GRK3: variants seen among roughly 807,000 people sequenced by gnomAD.
GRK3 encodes adrenergic, beta, receptor kinase 2.
GRK3 carries 54 observed loss-of-function variants against 95.7 expected under a neutral mutation model. The observed-to-expected ratio is 0.56, with a 90% confidence interval of 0.45 to 0.71. GRK3 has a LOEUF of 0.71. GRK3 is among the 30% of genes least tolerant of loss of function. GRK3 has a pLI of 0.00. For synonymous variants in GRK3, 281 were observed against 290.8 expected (o/e 0.97, Z 0.34); for missense variants, 649 against 851.2 (o/e 0.76, Z 2.96).
rs753402988 is a variant in GRK3, at chr22:25,722,270, C to G, written c.1906-19C>G. 4.6e-5 allele frequency: 74 copies of G among 1,610,634 alleles called. No homozygotes were observed. The Admixed American group carries it at 1.2e-3, about 27-fold the overall frequency. The stretch of plus-strand genomic sequence containing the variant: ...ATGGGTGAGCCTGTCACAACGGCTG[C>G]CTTTGTATTCCCCCTCAGAGTGATC... On this transcript the variant is annotated intron_variant, in intron 20 of 20. Transcript: ENST00000324198.
chr22:25,613,107 A>G (rs1480466007), intron 2 of GRK3, among the ~76,000 whole-genome samples: 3 of 151,904 alleles, frequency 2.0e-5, no homozygotes, highest in African/African-American at 4.8e-5. Context: ...GAAAACATGT[A>G]TAAGTCAGCA....
chr22:25,628,844 AGGACTT>A (rs2084645307), intron 2 of GRK3, among the ~76,000 whole-genome samples: 2 of 152,096 alleles, frequency 1.3e-5, no homozygotes, highest in Non-Finnish European at 2.9e-5. Context: ...GGTGTCCCTT[AGGACTT>A]GGGAGTCCCT....
chr22:25,718,402 C>T (rs199946063), intron 19 of GRK3, 21 bp downstream of exon 19: 1 of 1,612,994 alleles, frequency 6.2e-7, no homozygotes, highest in Non-Finnish European at 8.5e-7. Flanking sequence ...GGCAGCCTCA[C>T]CGAGCATGTT....
At chr22:25,678,163 G>A (rs2085046530) in intron 8 of GRK3, among the ~76,000 whole-genome samples, 2 of 151,992 alleles carry the variant, frequency 1.3e-5, no homozygotes, top group Admixed American at 1.3e-4. Flanking sequence ...TATAAAAATT[G>A]ACCACTGCTG....
intron 2 of GRK3, among the ~76,000 whole-genome samples, chr22:25,634,356 A>G (rs2084685137): frequency 6.6e-6 from 1 of 152,204 alleles, no homozygotes; most frequent in Non-Finnish European, 1.5e-5. Context: ...ATGCTGGATG[A>G]TAAGATGTAA....
Position 25,690,174 on chromosome 22 carries a change from T to A in GRK3, c.958-15T>A. The A allele has an allele frequency of 3.1e-6, 5 of 1,603,730 alleles. No homozygotes were observed. Among genetic ancestry groups the A allele is most frequent in the Non-Finnish European group, 4.3e-6 (5 of 1,170,760 alleles). On this transcript the variant is annotated splice_polypyrimidine_tract_variant and intron_variant, in intron 11 of 20. Coordinates refer to ENST00000324198, the MANE Select transcript of GRK3 (RefSeq NM_005160.4). ...TTGGGGCACTCTTATTAAAGATTAT[T>A]CTCTTTCTGTTTAGCCAGCAAATAT...
chr22:25,612,940 T>TAA (rs1031450774), intron 2 of GRK3, among the ~76,000 whole-genome samples: 1 of 151,820 alleles, frequency 6.6e-6, no homozygotes, highest in East Asian at 1.9e-4. Flanking sequence ...TGGTAATTAT[T>TAA]AAAAAAAACC....
chr22:25,643,314 T>C (rs2084756758), intron 2 of GRK3, among the ~76,000 whole-genome samples: 1 of 152,250 alleles, frequency 6.6e-6, no homozygotes, highest in African/African-American at 2.4e-5. Context: ...TATGCCTATT[T>C]AACTAGTACT....
At chr22:25,710,310 C>T (rs1568938692) in intron 16 of GRK3, among the ~76,000 whole-genome samples, 1 of 152,152 alleles carries the variant, frequency 6.6e-6, no homozygotes, top group African/African-American at 2.4e-5. Flanking sequence ...TTTTGCTCTT[C>T]TTCTTGAATT....
At chr22:25,704,070 A>G (rs3730315) in intron 14 of GRK3, 39 bp from the exon 15 acceptor site, 31,624 of 1,506,514 alleles carry the variant, frequency 0.021, 435 homozygotes, top group African/African-American at 0.041. Flanking sequence ...ATGCTGTTTC[A>G]TGAACGGATT....
At chr22:25,601,921 T>G in intron 1 of GRK3, among the ~76,000 whole-genome samples, 1 of 152,220 alleles carries the variant, frequency 6.6e-6, no homozygotes, top group East Asian at 1.9e-4. Flanking sequence ...CTTCATGACC[T>G]TGAGGCATGA....
chr22:25,704,010 A>G (rs1235399448), intron 14 of GRK3, 99 bp from the exon 15 acceptor site: 6 of 832,372 alleles, frequency 7.2e-6, no homozygotes, highest in Non-Finnish European at 1.1e-5. Flanking sequence ...TGCAATTTTT[A>G]ATACTATGCT....
chr22:25,594,343 C>G (rs147377847), intron 1 of GRK3, among the ~76,000 whole-genome samples: 77 of 152,254 alleles, frequency 5.1e-4, no homozygotes, highest in African/African-American at 1.7e-3. Context: ...TCCTCCCTAA[C>G]TCATTCTGCA....
chr22:25,608,676 C>G (rs566496144), intron 2 of GRK3, among the ~76,000 whole-genome samples: 2 of 152,270 alleles, frequency 1.3e-5, no homozygotes, highest in African/African-American at 2.4e-5. Flanking sequence ...TCCCAAACCA[C>G]AAAGCACAGA....
intron 7 of GRK3, among the ~76,000 whole-genome samples, chr22:25,673,033 A>AT (rs1410362197): frequency 1.4e-3 from 101 of 72,590 alleles, no homozygotes; most frequent in African/African-American, 4.9e-3. Context: ...TTTTTTTGAG[A>AT]TTTTTTACTT....
At chr22:25,638,207 A>G (rs1385138895) in intron 2 of GRK3, among the ~76,000 whole-genome samples, 1 of 152,214 alleles carries the variant, frequency 6.6e-6, no homozygotes, top group Non-Finnish European at 1.5e-5. Flanking sequence ...TTCCCAGAAA[A>G]GGATGCAAAG....
intron 2 of GRK3, among the ~76,000 whole-genome samples, chr22:25,609,297 G>A (rs185623210): frequency 3.0e-3 from 458 of 152,000 alleles, no homozygotes; most frequent in Non-Finnish European, 5.0e-3. Context: ...CCTGTTAGAG[G>A]AGCATGTTTG....
intron 12 of GRK3, among the ~76,000 whole-genome samples, chr22:25,691,894 G>A (rs2085167463): frequency 1.3e-5 from 2 of 152,156 alleles, no homozygotes; most frequent in Admixed American, 1.3e-4. Flanking sequence ...GGACTGAGAA[G>A]GTTGGTTTCC....
chr22:25,713,746 G>A (rs1018563456), intron 17 of GRK3, among the ~76,000 whole-genome samples: 1 of 152,156 alleles, frequency 6.6e-6, no homozygotes, highest in African/African-American at 2.4e-5. Context: ...GAAGAATTTT[G>A]AATAATCGTT....
Sources: gnomAD v4.1 joint callset for allele counts (sites outside exome capture counted in the v4.1 genomes callset) on GRCh38, gnomAD v4.1.1 for gene constraint, MANE v1.5 for transcripts, NCBI Gene and HGNC (gene_info 2026-07-23, HGNC 2026-07-21) for gene names.